Variants in NEBL observed in about 807,000 individuals in gnomAD.
The protein encoded by NEBL is nebulette.
A neutral mutation model predicts 140.2 loss-of-function variants in NEBL; 122 were observed. The ratio of observed to expected loss-of-function variants is 0.87; its 90% CI spans 0.75 to 1.01. The LOEUF (loss-of-function observed/expected upper bound fraction) is 1.01. Ranked by LOEUF, NEBL falls within the 50% of genes least tolerant of loss-of-function variation. NEBL has a pLI of 0.00. For synonymous variants in NEBL, 436 were observed against 398.9 expected, an observed-to-expected ratio of 1.09 and a Z score of -1.11; for missense variants, 1,365 against 1,231.3, an observed-to-expected ratio of 1.11 and a Z score of -1.62.
rs1477559434 is a variant in NEBL, at chr10:20,840,770, C to T, written c.1307G>A (p.Arg436Lys). ...TGCCATTTCAGAGGCTCGCTTTGCT[C>T]TTTGGATATCAAGAACTTCTGAATT... ...ELNSEVLDIQ[R>K]AKRASEMASE... is the part of the protein sequence containing the mutation. Residue 436 changes from arginine to lysine, a missense_variant, in exon 13 of 28, where the codon AGA (arginine) becomes AAA (lysine). Coordinates refer to ENST00000377122, the MANE Select transcript of NEBL (RefSeq NM_006393.3). 3.1e-6 allele frequency: 5 copies of T among 1,611,684 alleles called. No homozygotes were observed. Among genetic ancestry groups the T allele is most frequent in the Non-Finnish European group, 4.2e-6 (5 of 1,178,384 alleles).
At chr10:21,087,580 G>C (rs750669020) in intron 2 of NEBL, among the ~76,000 whole-genome samples, 2 of 152,182 alleles carry the variant, frequency 1.3e-5, no homozygotes, top group Non-Finnish European at 2.9e-5. Flanking sequence ...TAAGGGCAGA[G>C]GAATTTGATA....
chr10:21,041,933 G>C (rs1197400643), intron 2 of NEBL, among the ~76,000 whole-genome samples: 2 of 152,194 alleles, frequency 1.3e-5, no homozygotes, highest in African/African-American at 4.8e-5. Context: ...GCATTCTAAT[G>C]CATTATAATT....
At chr10:21,174,069 C>T (rs1841215783) in exon 1 of NEBL, 18 of 1,086,126 alleles carry the variant, frequency 1.7e-5, no homozygotes, top group Non-Finnish European at 2.0e-5. Flanking sequence ...GCTCCGGCTC[C>T]GGCTCCGCGC....
intron 1 of NEBL, among the ~76,000 whole-genome samples, chr10:21,291,608 T>C (rs946190665): frequency 2.0e-5 from 3 of 151,056 alleles, no homozygotes; most frequent in African/African-American, 4.9e-5. Flanking sequence ...GTCATGATGA[T>C]GGCAATTATG....
chr10:21,229,175 C>T lies in NEBL; in HGVS notation n.348+18746G>A, dbSNP rs541135801. On this transcript the variant is annotated intron_variant and non_coding_transcript_variant, in intron 3 of 8. Coordinates refer to the NEBL transcript ENST00000675702. ...ATGGCTAACACCTGTAATCCCAGCACTTTGGGAGGCCAAGGCGGGCAGATC... is the reference window on the plus strand; with the variant it reads ...ATGGCTAACACCTGTAATCCCAGCATTTTGGGAGGCCAAGGCGGGCAGATC... Among the ~76,000 whole-genome samples the T allele has an allele frequency of 3.9e-5, 6 of 152,282 alleles. No individual in the cohort carries two copies. In the South Asian group the frequency reaches 1.2e-3, roughly 32 times the overall value.
At chr10:21,128,075 G>C (rs1378104071) in intron 2 of NEBL, among the ~76,000 whole-genome samples, 1 of 151,974 alleles carries the variant, frequency 6.6e-6, no homozygotes, top group African/African-American at 2.4e-5. Flanking sequence ...TTAATGACTC[G>C]GTTGGGACTA....
intron 3 of NEBL, among the ~76,000 whole-genome samples, chr10:21,231,869 A>G (rs1419642627): frequency 1.4e-5 from 2 of 140,080 alleles, no homozygotes; most frequent in East Asian, 4.2e-4. Context: ...GACACTTCAG[A>G]AAAAAAACTT....
intron 3 of NEBL, among the ~76,000 whole-genome samples, chr10:21,208,211 A>G (rs765709908): frequency 4.6e-5 from 7 of 152,216 alleles, no homozygotes; most frequent in Non-Finnish European, 8.8e-5. Context: ...CAGGACATAG[A>G]AATTGCATTC....
chr10:21,282,912 G>A (rs1165862507), intron 1 of NEBL, among the ~76,000 whole-genome samples: 3 of 152,112 alleles, frequency 2.0e-5, no homozygotes, highest in Non-Finnish European at 1.5e-5. Flanking sequence ...ATCACCTGAG[G>A]TTAAGAGTTC....
At chr10:20,976,375 A>G (rs11594006) in intron 3 of NEBL, among the ~76,000 whole-genome samples, 1 of 151,922 alleles carries the variant, frequency 6.6e-6, no homozygotes, top group Non-Finnish European at 1.5e-5. Context: ...TTCTCAAAGA[A>G]CTGAAAAATA....
At chr10:20,867,587 C>A (rs1844427388) in intron 7 of NEBL, among the ~76,000 whole-genome samples, 1 of 152,104 alleles carries the variant, frequency 6.6e-6, no homozygotes, top group Non-Finnish European at 1.5e-5. Flanking sequence ...TGCTTAAGAA[C>A]AACTCTGTTA....
intron 2 of NEBL, among the ~76,000 whole-genome samples, chr10:21,065,743 G>A (rs1444012073): frequency 6.6e-6 from 1 of 152,190 alleles, no homozygotes; most frequent in African/African-American, 2.4e-5. Flanking sequence ...CAGCTGAAAA[G>A]CCCCAGGGGC....
chr10:20,807,467 T>C (rs1588649076), intron 26 of NEBL, among the ~76,000 whole-genome samples: 1 of 152,238 alleles, frequency 6.6e-6, no homozygotes, highest in Non-Finnish European at 1.5e-5. Context: ...AGACCTTTAA[T>C]AAATTTCTAC....
At chr10:21,277,501 T>C (rs1014726207) in intron 1 of NEBL, among the ~76,000 whole-genome samples, 1 of 152,118 alleles carries the variant, frequency 6.6e-6, no homozygotes, top group African/African-American at 2.4e-5. Context: ...TAAGCCACTG[T>C]GCCTGGCCCA....
chr10:21,059,546 T>A (rs746477653), intron 2 of NEBL, among the ~76,000 whole-genome samples: 1 of 152,244 alleles, frequency 6.6e-6, no homozygotes, highest in Non-Finnish European at 1.5e-5. Flanking sequence ...AACAACCTTA[T>A]ACTTTCTACC....
At chr10:20,979,700 A>T (rs9651369) in intron 3 of NEBL, among the ~76,000 whole-genome samples, 8,544 of 151,972 alleles carry the variant, frequency 0.056, 780 homozygotes, top group African/African-American at 0.19. Flanking sequence ...AGTTTTTTTT[A>T]ATTCATTTAT....
intron 3 of NEBL, among the ~76,000 whole-genome samples, chr10:20,994,567 A>G (rs2131695420): frequency 6.6e-6 from 1 of 152,330 alleles, no homozygotes; most frequent in East Asian, 1.9e-4. Context: ...TGAAGAATGC[A>G]GGCATTAAGG....
chr10:20,864,512 T>C (rs1391425814), intron 7 of NEBL, among the ~76,000 whole-genome samples: 1 of 152,174 alleles, frequency 6.6e-6, no homozygotes, highest in East Asian at 1.9e-4. Context: ...GTGAGAATCC[T>C]GCCCATTCAC....
chr10:20,892,740 T>C (rs1019607994), intron 2 of NEBL, among the ~76,000 whole-genome samples: 1 of 152,188 alleles, frequency 6.6e-6, no homozygotes, highest in African/African-American at 2.4e-5. Context: ...CAAGTTTGTT[T>C]GAATGAGTAT....
Sources: gnomAD v4.1 joint callset for allele counts (sites outside exome capture counted in the v4.1 genomes callset) on GRCh38, gnomAD v4.1.1 for gene constraint, MANE v1.5 for transcripts, NCBI Gene and HGNC (gene_info 2026-07-23, HGNC 2026-07-21) for gene names.